NEGR1: variants seen among roughly 807,000 people sequenced by gnomAD.
NEGR1 encodes IgLON family member 4.
In NEGR1, 10 loss-of-function variants were observed where a neutral mutation model predicts 40.9. The ratio of observed to expected loss-of-function variants is 0.24; its 90% CI spans 0.15 to 0.42. The LOEUF (loss-of-function observed/expected upper bound fraction) is 0.42. Ranked by LOEUF, NEGR1 falls within the 10% of genes least tolerant of loss-of-function variation. The pLI, the probability that NEGR1 is intolerant of heterozygous loss-of-function variation, is 1.00. For synonymous variants in NEGR1, 185 were observed against 166.8 expected, an observed-to-expected ratio of 1.11 and a Z score of -0.84; for missense variants, 352 against 438.9, an observed-to-expected ratio of 0.80 and a Z score of 1.77.
intron 6 of NEGR1, among the ~76,000 whole-genome samples, chr1:71,560,459 A>ATATATATATATATATATATATATG (rs1648416997): frequency 7.0e-6 from 1 of 143,840 alleles, no homozygotes; most frequent in South Asian, 2.2e-4. Context: ...GTATATATAT[A>ATATATATATATATATATATATATG]TTTCCAATTA....
intron 6 of NEGR1, among the ~76,000 whole-genome samples, chr1:71,554,574 CA>C (rs1412818292): frequency 6.6e-6 from 1 of 151,414 alleles, no homozygotes; most frequent in Non-Finnish European, 1.5e-5. Flanking sequence ...CACCCTCCTG[CA>C]CCCTGTTTTT....
intron 5 of NEGR1, among the ~76,000 whole-genome samples, chr1:71,603,694 A>C (rs997682943): frequency 1.3e-5 from 2 of 152,176 alleles, no homozygotes; most frequent in Non-Finnish European, 2.9e-5. Flanking sequence ...AGTATCTTAA[A>C]GTAGAAATAA....
intron 2 of NEGR1, among the ~76,000 whole-genome samples, chr1:71,777,318 T>C (rs1275714733): frequency 6.6e-6 from 1 of 152,134 alleles, no homozygotes; most frequent in African/African-American, 2.4e-5. Context: ...AGTAAGTCAC[T>C]ACATGTTAAA....
At chr1:72,064,061 T>C (rs1453597104) in intron 1 of NEGR1, among the ~76,000 whole-genome samples, 1 of 151,862 alleles carries the variant, frequency 6.6e-6, no homozygotes, top group East Asian at 1.9e-4. Context: ...TTGTAAAAGT[T>C]ATTAAAAAAA....
chr1:72,107,863 A>G (rs1473239800), intron 1 of NEGR1, among the ~76,000 whole-genome samples: 1 of 151,526 alleles, frequency 6.6e-6, no homozygotes, highest in East Asian at 1.9e-4. Context: ...GTATATACAT[A>G]TAACCACTTA....
intron 6 of NEGR1, among the ~76,000 whole-genome samples, chr1:71,534,938 T>C (rs181958034): frequency 1.0e-3 from 155 of 151,786 alleles, no homozygotes; most frequent in African/African-American, 3.6e-3. Context: ...GATGTTCTAA[T>C]GAACACTGTC....
intron 1 of NEGR1, among the ~76,000 whole-genome samples, chr1:72,125,227 T>C (rs995577518): frequency 6.6e-6 from 1 of 152,066 alleles, no homozygotes; most frequent in African/African-American, 2.4e-5. Flanking sequence ...GCAAGAAATA[T>C]AAAAAGCTTC....
chr1:71,884,138 A>C (rs1024445958), intron 2 of NEGR1, among the ~76,000 whole-genome samples: 6 of 152,144 alleles, frequency 3.9e-5, no homozygotes, highest in African/African-American at 1.4e-4. Flanking sequence ...AGTTCAGCTC[A>C]TTCCCTCCTT....
Position 71,466,986 on chromosome 1 carries a change from A to G in NEGR1, c.941-59416T>C, listed in dbSNP as rs896313813. ...TAAGCCGGTTCTTACACAGATCTGG[A>G]AAGCTTTCTCATAATTTTAATGGAT... On this transcript the variant is annotated intron_variant, in intron 6 of 6. Transcript: ENST00000357731. 3.9e-5 allele frequency among the ~76,000 whole-genome samples: 6 copies of G among 152,224 alleles called. 1 individual carries two copies. Among genetic ancestry groups the G allele is most frequent in the South Asian group, 2.1e-4 (1 of 4,830 alleles).
At chr1:72,040,193 G>A (rs1047513525) in intron 1 of NEGR1, among the ~76,000 whole-genome samples, 3 of 151,844 alleles carry the variant, frequency 2.0e-5, no homozygotes, top group African/African-American at 7.2e-5. Context: ...GTTTCTTGAT[G>A]GCAAAGCTTT....
At chr1:71,921,703 AATATATATAT>A (rs61614174) in intron 2 of NEGR1, among the ~76,000 whole-genome samples, 2,604 of 134,032 alleles carry the variant, frequency 0.019, 36 homozygotes, top group African/African-American at 0.035. Flanking sequence ...ACAGTACAAG[AATATATATAT>A]ATATATATAT....
At chr1:72,147,829 C>A (rs1205881505) in intron 1 of NEGR1, among the ~76,000 whole-genome samples, 3 of 152,098 alleles carry the variant, frequency 2.0e-5, no homozygotes, top group Admixed American at 2.0e-4. Context: ...TCCAGCGGGG[C>A]AGTCAAATTT....
At chr1:71,608,577 T>G (rs1650144143) in intron 5 of NEGR1, among the ~76,000 whole-genome samples, 1 of 151,398 alleles carries the variant, frequency 6.6e-6, no homozygotes, top group Admixed American at 6.6e-5. Context: ...AGGACATTGC[T>G]TCACAAAATA....
At position 71,406,631 on chromosome 1, in the gene NEGR1, A is replaced by G. The variant is rs1300317114; in HGVS notation, c.*815T>C. On this transcript the variant is annotated 3_prime_UTR_variant, in exon 7 of 7. Coordinates refer to ENST00000357731, the MANE Select transcript of NEGR1 (RefSeq NM_173808.3). ...TATTAAATTGTCTCTCATCACAAGA[A>G]CTGAGTTAGTGTGGGGCAAAATTCT... The G allele has an allele frequency of 6.6e-6, 1 of 152,492 alleles. No individual in the cohort carries two copies. The highest frequency in any genetic ancestry group is 1.5e-5 in the Non-Finnish European group (1 of 67,938). 9.4% of individuals were successfully genotyped at this position (152,492 alleles called of 1,614,324 possible).
chr1:72,009,112 A>G (rs556897262), intron 1 of NEGR1, among the ~76,000 whole-genome samples: 3 of 152,188 alleles, frequency 2.0e-5, no homozygotes, highest in East Asian at 1.9e-4. Flanking sequence ...TATTACCATT[A>G]CAGAATGGTA....
rs1045268705 is a variant in NEGR1, at chr1:71,998,556, C to T, written c.177-63245G>A. Among the ~76,000 whole-genome samples, 12 of 151,800 alleles carry T rather than the reference C, an allele frequency of 7.9e-5. No individual in the cohort carries two copies. In the East Asian group the frequency reaches 2.1e-3, roughly 27 times the overall value. ...TGCACCTTTAAGCCTCATGTTTTTC[C>T]TTCTTATAATGTGTTCCTGACTCCC... On this transcript the variant is annotated intron_variant, in intron 1 of 6. Transcript: ENST00000357731.
At chr1:72,162,123 T>C (rs1651586917) in intron 1 of NEGR1, among the ~76,000 whole-genome samples, 1 of 152,094 alleles carries the variant, frequency 6.6e-6, no homozygotes, top group Non-Finnish European at 1.5e-5. Context: ...TTAACTAAAC[T>C]ATGTATTAAT....
At chr1:72,052,825 T>G (rs1444347636) in intron 1 of NEGR1, among the ~76,000 whole-genome samples, 1 of 151,402 alleles carries the variant, frequency 6.6e-6, no homozygotes, top group Non-Finnish European at 1.5e-5. Context: ...ATGAACAATT[T>G]TTCATTTCTG....
chr1:71,841,710 T>C (rs1003041780), intron 2 of NEGR1, among the ~76,000 whole-genome samples: 1 of 152,184 alleles, frequency 6.6e-6, no homozygotes, highest in Non-Finnish European at 1.5e-5. Flanking sequence ...ATAAGGATAA[T>C]GTATGCAATG....
Sources: gnomAD v4.1 joint callset for allele counts (sites outside exome capture counted in the v4.1 genomes callset) on GRCh38, gnomAD v4.1.1 for gene constraint, MANE v1.5 for transcripts, NCBI Gene and HGNC (gene_info 2026-07-23, HGNC 2026-07-21) for gene names.